Variants in FBH1 observed in about 807,000 individuals in gnomAD.
FBH1 encodes the protein F-box DNA helicase 1, also known as DNA 3'-5' helicase 1.
In FBH1, 43 loss-of-function variants were observed where a neutral mutation model predicts 115.5. That is an observed-to-expected ratio of 0.37 (90% CI 0.29 to 0.48). FBH1 has a LOEUF of 0.48. Ranked by LOEUF, FBH1 falls within the 20% of genes least tolerant of loss-of-function variation. The probability of loss-of-function intolerance (pLI) is 0.99; values close to 1 mark genes in which losing one functional copy is unlikely to be tolerated. For synonymous variants in FBH1, 524 were observed against 507.8 expected, an observed-to-expected ratio of 1.03 and a Z score of -0.43; for missense variants, 1,001 against 1,337.3, an observed-to-expected ratio of 0.75 and a Z score of 3.92.
chr10:5,915,041 A>G lies in FBH1; in HGVS notation c.1397-362A>G, dbSNP rs1253657858. Among the ~76,000 whole-genome samples the G allele has an allele frequency of 6.6e-6, 1 of 152,160 alleles. No individual in the cohort carries two copies. Among genetic ancestry groups the G allele is most frequent in the African/African-American group, 2.4e-5 (1 of 41,424 alleles). The stretch of plus-strand genomic sequence containing the variant: ...GCTGGACCTGTCTCTCTCCAGAGAC[A>G]TGCCTTCCCCCTCCCTAACCCTACC... On this transcript the variant is annotated intron_variant, in intron 8 of 20. Transcript: ENST00000362091. This position sits in a 1 kb window ranked among gnomAD's most constrained non-coding sequence, Gnocchi z 5.2.
chr10:5,923,579 AAAC>A lies in FBH1; in HGVS notation c.2323-36_2323-34del, dbSNP rs2132059656. ...GCAACAACAAACAAAACAAAACAAA[AAAC>A]AACAAAAAAACAAAAATCCCACCAA... is the stretch of plus-strand genomic sequence containing the variant. On this transcript the variant is annotated intron_variant, in intron 15 of 20. Transcript: ENST00000362091. The surrounding 1 kb of genome is among the most constrained non-coding windows in gnomAD (Gnocchi z 5.7). 1 of 1,548,388 alleles carries A rather than the reference AAAC, an allele frequency of 6.5e-7. No homozygotes were observed. Among genetic ancestry groups the A allele is most frequent in the Non-Finnish European group, 8.9e-7 (1 of 1,127,248 alleles).
In FBH1 at chr10:5,924,203, C is replaced by A; in HGVS notation, c.2399-108C>A. ...GTCAGGCCTGGAACCCGGGTCTCCC[C>A]ACTTTAAGACCATCTGCTCTTGCGC... On this transcript the variant is annotated intron_variant, in intron 16 of 20. Coordinates refer to ENST00000362091, the MANE Select transcript of FBH1 (RefSeq NM_178150.3). This position sits in a 1 kb window ranked among gnomAD's most constrained non-coding sequence, Gnocchi z 6.2. 2 of 1,095,974 alleles carry A rather than the reference C, an allele frequency of 1.8e-6. No individual in the cohort carries two copies. Among genetic ancestry groups the A allele is most frequent in the South Asian group, 1.4e-5 (1 of 70,430 alleles). The allele number at this position is 1,095,974 out of a possible 1,614,324, so 67.9% of individuals were successfully genotyped here. A position where few individuals can be genotyped will look rare whatever the true frequency, so the allele number is the denominator to read the frequency against.
chr10:5,920,902 T>C (rs1489945093), intron 13 of FBH1, among the ~76,000 whole-genome samples: 1 of 152,150 alleles, frequency 6.6e-6, no homozygotes, highest in Non-Finnish European at 1.5e-5. Context: ...CCATGGCTGG[T>C]TGGTGCAGGG....
intron 1 of FBH1, among the ~76,000 whole-genome samples, chr10:5,899,777 G>A (rs1843229068): frequency 6.6e-6 from 1 of 152,142 alleles, no homozygotes; most frequent in Non-Finnish European, 1.5e-5. Flanking sequence ...AATAGTCCTT[G>A]CGTTATATTT....
chr10:5,894,030 TGC>T, intron 1 of FBH1: 1 of 985,364 alleles, frequency 1.0e-6, no homozygotes, highest in Non-Finnish European at 1.2e-6. Flanking sequence ...CATACACGAG[TGC>T]TGTCTCCAAG....
chr10:5,891,804 GT>G (rs1842752359), intron 1 of FBH1, among the ~76,000 whole-genome samples: 1 of 151,804 alleles, frequency 6.6e-6, no homozygotes, highest in South Asian at 2.1e-4. Flanking sequence ...TAGAGACGGG[GT>G]TTCACCATGT....
At position 5,931,037 on chromosome 10, in the gene FBH1, A is replaced by G. The variant is rs1832942834; in HGVS notation, c.2829+3496A>G. ...CTCAGCCTCCCAAAGTTCTGGGATT[A>G]TAGGTGTGACACCAGGCAAATTTCA... On this transcript the variant is annotated intron_variant, in intron 19 of 20. Coordinates refer to ENST00000362091, the MANE Select transcript of FBH1 (RefSeq NM_178150.3). The surrounding 1 kb of genome is among the most constrained non-coding windows in gnomAD (Gnocchi z 4.3). Among the ~76,000 whole-genome samples the G allele has an allele frequency of 6.6e-6, 1 of 152,202 alleles. No individual in the cohort carries two copies. Among genetic ancestry groups the G allele is most frequent in the African/African-American group, 2.4e-5 (1 of 41,450 alleles).
In FBH1 at chr10:5,933,848, C is replaced by T. The variant is rs1415104180; in HGVS notation, c.2830-2608C>T. ...TTTTTTTTTGTTAAAGACGAGGTTTCACCATGTTGGCCAGGCTGGTCTCAA... is the reference window on the plus strand; with the variant it reads ...TTTTTTTTTGTTAAAGACGAGGTTTTACCATGTTGGCCAGGCTGGTCTCAA... On this transcript the variant is annotated intron_variant, in intron 19 of 20. Coordinates refer to ENST00000362091, the MANE Select transcript of FBH1 (RefSeq NM_178150.3). The surrounding 1 kb of genome is among the most constrained non-coding windows in gnomAD (Gnocchi z 4.9). Among the ~76,000 whole-genome samples the T allele has an allele frequency of 6.6e-6, 1 of 151,976 alleles. No individual in the cohort carries two copies. Among genetic ancestry groups the T allele is most frequent in the Non-Finnish European group, 1.5e-5 (1 of 68,010 alleles).
At position 5,911,236 on chromosome 10, in the gene FBH1, G is replaced by A. The variant is rs1226256390; in HGVS notation, c.1211+108G>A. On this transcript the variant is annotated intron_variant, in intron 6 of 20. Transcript: ENST00000362091. This position sits in a 1 kb window ranked among gnomAD's most constrained non-coding sequence, Gnocchi z 5.4. ...GCAGTGTTAGCACCTGGCAGGCTGT[G>A]GGACCCACCTGCTCCACCTCAGTGT... 1.9e-6 allele frequency: 2 copies of A among 1,065,904 alleles called. No individual in the cohort carries two copies. Among genetic ancestry groups the A allele is most frequent in the African/African-American group, 1.6e-5 (1 of 62,984 alleles). The allele number at this position is 1,065,904 out of a possible 1,614,324, so 66.0% of individuals were successfully genotyped here.
At position 5,909,931 on chromosome 10, in the gene FBH1, G is replaced by T. The variant is rs1375326909; in HGVS notation, c.1020+637G>T. On this transcript the variant is annotated intron_variant, in intron 5 of 20. Coordinates refer to ENST00000362091, the MANE Select transcript of FBH1 (RefSeq NM_178150.3). This position sits in a 1 kb window ranked among gnomAD's most constrained non-coding sequence, Gnocchi z 4.4. ...TTCACAGGATGGTTGAAGTGAGAGGGGATGGGATGTTCCTTTCTTGGAATG... is the reference window on the plus strand; with the variant it reads ...TTCACAGGATGGTTGAAGTGAGAGGTGATGGGATGTTCCTTTCTTGGAATG... Among the ~76,000 whole-genome samples the T allele has an allele frequency of 6.6e-6, 1 of 152,196 alleles. No homozygotes were observed. Among genetic ancestry groups the T allele is most frequent in the Non-Finnish European group, 1.5e-5 (1 of 68,042 alleles).
At chr10:5,927,120 T>C (rs924706366) in intron 18 of FBH1, among the ~76,000 whole-genome samples, 5 of 152,224 alleles carry the variant, frequency 3.3e-5, no homozygotes, top group African/African-American at 4.8e-5. Flanking sequence ...CTCACGGGCT[T>C]GTTGTGGGAA....
At chr10:5,891,776 A>AT (rs1842748978) in intron 1 of FBH1, among the ~76,000 whole-genome samples, 1 of 151,818 alleles carries the variant, frequency 6.6e-6, no homozygotes, top group Non-Finnish European at 1.5e-5. Context: ...TGCTCGGCTA[A>AT]TTTTTTTGTA....
chr10:5,908,025 C>A (rs1401812174), intron 3 of FBH1, among the ~76,000 whole-genome samples: 2 of 152,170 alleles, frequency 1.3e-5, no homozygotes, highest in African/African-American at 2.4e-5. Flanking sequence ...GTTCAGCCCG[C>A]TTAGTCCATA....
upstream of FBH1, chr10:5,889,697 C>A (rs1455651287): frequency 1.2e-5 from 2 of 169,236 alleles, no homozygotes; most frequent in Non-Finnish European, 2.5e-5. Flanking sequence ...TGGCGTCCGC[C>A]GTCCTGGAGC....
chr10:5,927,761 A>C lies in FBH1; in HGVS notation c.2829+220A>C, dbSNP rs541216421. On this transcript the variant is annotated intron_variant, in intron 19 of 20. Transcript: ENST00000362091. ...TCTAAGTCATTTCCTAATTCAGTTT[A>C]AAAAGCTCTGTTTAAGATACCAGCA... 9.2e-5 allele frequency among the ~76,000 whole-genome samples: 14 copies of C among 152,278 alleles called. No homozygotes were observed. In the South Asian group the frequency reaches 2.9e-3, roughly 32 times the overall value.
At position 5,936,832 on chromosome 10, in the gene FBH1, A is replaced by G. The variant is rs673496; in HGVS notation, c.2961+245A>G. ...GCTGGGTTGTGATACACGCTTAGAG[A>G]GAGAGCTGTTCCCTGGGGTCCCAGC... On this transcript the variant is annotated intron_variant, in intron 20 of 20. Transcript: ENST00000362091. This position sits in a 1 kb window ranked among gnomAD's most constrained non-coding sequence, Gnocchi z 5.6. 0.86 allele frequency: 505,893 copies of G among 590,912 alleles called. 217,144 individuals carry two copies. The highest frequency in any genetic ancestry group is 0.89 in the Admixed American group (29,238 of 32,828). 36.6% of individuals were successfully genotyped at this position (590,912 alleles called of 1,614,324 possible).
chr10:5,937,103 A>G lies in FBH1; in HGVS notation c.2962-7A>G, dbSNP rs752292249. 1.3e-6 allele frequency: 2 copies of G among 1,589,020 alleles called. No individual in the cohort carries two copies. The highest frequency in any genetic ancestry group is 2.7e-5 in the African/African-American group (2 of 74,062). On this transcript the variant is annotated splice_polypyrimidine_tract_variant and splice_region_variant and intron_variant, in intron 20 of 20. Transcript: ENST00000362091. ...CCCTTAGCTCTCTCTCTTGTCCATC[A>G]CCACAGAGCAACAGGAAGGAAAACA...
chr10:5,903,575 C>T (rs1439283362), intron 2 of FBH1, among the ~76,000 whole-genome samples: 3 of 152,004 alleles, frequency 2.0e-5, no homozygotes, highest in East Asian at 1.9e-4. Flanking sequence ...GTGATCCACC[C>T]GCCTCGGCCT....
chr10:5,913,787 A>G lies in FBH1; in HGVS notation c.1252A>G (p.Asn418Asp). 4.4e-6 allele frequency: 7 copies of G among 1,588,876 alleles called. No homozygotes were observed. The highest frequency in any genetic ancestry group is 6.0e-6 in the Non-Finnish European group (7 of 1,173,676). ...TTTCTATTGCCTATATCTTCAGGAG[A>G]ATTCCTGCACTCAGGCCACAAAAGT... ...NIFYCLYLQENSCTQATKVKE... is the reference protein window; with the variant it reads ...NIFYCLYLQEDSCTQATKVKE... Residue 418 changes from asparagine to aspartate, a missense_variant, in exon 7 of 21, where the codon AAT (asparagine) becomes GAT (aspartate). Physicochemically the swap from Asn to Asp is conservative, Grantham distance 23 (BLOSUM62 1). Around this residue, in one of 4 missense-constraint regions of FBH1, gnomAD observed 521 missense variants for 811.0 expected, o/e 0.64. Coordinates refer to ENST00000362091, the MANE Select transcript of FBH1 (RefSeq NM_178150.3). This position sits in a 1 kb window ranked among gnomAD's most constrained non-coding sequence, Gnocchi z 4.4.
Sources: gnomAD v4.1 joint callset for allele counts (sites outside exome capture counted in the v4.1 genomes callset) on GRCh38, gnomAD v4.1.1 for gene constraint, gnomAD v4.1.1 regional missense constraint, Gnocchi (gnomAD v3.1) non-coding constraint, MANE v1.5 for transcripts, NCBI Gene and HGNC (gene_info 2026-07-23, HGNC 2026-07-21) for gene names.